The following COTL1 variants were observed in gnomAD, a reference collection of about 807,000 sequenced individuals.
COTL1 encodes the protein coactosin-like protein.
In COTL1, 15 loss-of-function variants were observed where a neutral mutation model predicts 16.5. The ratio of observed to expected loss-of-function variants is 0.91; its 90% CI spans 0.61 to 1.40. COTL1 has a LOEUF of 1.40. Among genes scored for constraint, COTL1 ranks in the 40% most tolerant of loss-of-function variants. The pLI is 0.00. For missense variants in COTL1, 220 were observed against 201.5 expected, an observed-to-expected ratio of 1.09 and a Z score of -0.56; for synonymous variants, 112 against 85.3, an observed-to-expected ratio of 1.31 and a Z score of -1.73.
At chr16:84,581,098 C>T (rs976498298) in intron 3 of COTL1, among the ~76,000 whole-genome samples, 1 of 151,328 alleles carries the variant, frequency 6.6e-6, no homozygotes, top group African/African-American at 2.4e-5. Flanking sequence ...GCCAAGATGT[C>T]GCCACTGCAC....
At chr16:84,598,149 T>C (rs1382828864) in intron 2 of COTL1, among the ~76,000 whole-genome samples, 2 of 152,158 alleles carry the variant, frequency 1.3e-5, no homozygotes, top group African/African-American at 2.4e-5. Context: ...ATGTCCCTGA[T>C]TTGAAGACTA....
intron 2 of COTL1, among the ~76,000 whole-genome samples, chr16:84,609,781 T>C (rs1034864228): frequency 1.4e-5 from 2 of 138,570 alleles, no homozygotes; most frequent in African/African-American, 5.0e-5. Context: ...CCCCTTCACT[T>C]GGCTCTCAGT....
At chr16:84,580,809 G>C (rs1904571100) in intron 3 of COTL1, among the ~76,000 whole-genome samples, 1 of 152,176 alleles carries the variant, frequency 6.6e-6, no homozygotes, top group South Asian at 2.1e-4. Flanking sequence ...GGCTGCATGG[G>C]AGCTTTTTAT....
At chr16:84,568,387 G>C (rs1904307911) in intron 3 of COTL1, 1 of 152,202 alleles carries the variant, frequency 6.6e-6, no homozygotes, top group Admixed American at 6.5e-5. Context: ...ATGGAAGGTG[G>C]AAGCAACCCC....
At chr16:84,613,650 G>A (rs531902719) in intron 2 of COTL1, among the ~76,000 whole-genome samples, 1 of 152,352 alleles carries the variant, frequency 6.6e-6, no homozygotes, top group East Asian at 1.9e-4. Flanking sequence ...AATTACCCCA[G>A]CAAGGGAGGA....
At chr16:84,585,770 C>A (rs1420819985) in intron 3 of COTL1, among the ~76,000 whole-genome samples, 12 of 152,160 alleles carry the variant, frequency 7.9e-5, no homozygotes, top group Admixed American at 3.3e-4. Context: ...GCTATATTTG[C>A]AACTGCAGTA....
Position 84,617,858 on chromosome 16 carries a change from G to T in COTL1, c.57C>A (p.Asp19Glu). 6.3e-7 allele frequency: 1 copy of T among 1,576,382 alleles called. No individual in the cohort carries two copies. Among genetic ancestry groups the T allele is most frequent in the Non-Finnish European group, 8.6e-7 (1 of 1,162,154 alleles). The part of the protein sequence containing the change: ...ACRAAYNLVR[D>E]DGSAVIWVTF... ...CCTACCAGATGACGGCCGAGCCGTCGTCGCGCACCAGGTTGTACGCCGCCC... is the reference window on the plus strand; with the variant it reads ...CCTACCAGATGACGGCCGAGCCGTCTTCGCGCACCAGGTTGTACGCCGCCC... Residue 19 changes from aspartate (D) to glutamate (E), a missense_variant, in exon 1 of 4, where the codon GAC (aspartate) becomes GAA (glutamate). Coordinates refer to ENST00000262428, the MANE Select transcript of COTL1 (RefSeq NM_021149.5).
Position 84,614,253 on chromosome 16 carries a change from G to A in COTL1, c.160+3248C>T, listed in dbSNP as rs1012708299. Among the ~76,000 whole-genome samples, 64 of 152,348 alleles carry A rather than the reference G, an allele frequency of 4.2e-4. 1 individual carries two copies. Among genetic ancestry groups the A allele is most frequent in the African/African-American group, 1.4e-3 (58 of 41,572 alleles). On this transcript the variant is annotated intron_variant, in intron 2 of 3. Transcript: ENST00000262428. ...AGCAAGAAGCAAGAGCGGAGGTAGC[G>A]GAGGGGCAGGCAGCGAGGAAGGCCG...
intron 2 of COTL1, among the ~76,000 whole-genome samples, chr16:84,597,569 A>T (rs1905031612): frequency 6.6e-6 from 1 of 152,262 alleles, no homozygotes; most frequent in Admixed American, 6.5e-5. Context: ...ACTGTGCTCG[A>T]ATGAGCCCCA....
At position 84,587,278 on chromosome 16, in the gene COTL1, C is replaced by G. The variant is rs1018434543; in HGVS notation, c.318+2827G>C. On this transcript the variant is annotated intron_variant, in intron 3 of 3. Coordinates refer to ENST00000262428, the MANE Select transcript of COTL1 (RefSeq NM_021149.5). ...ATGTGAAACAAATGGCCTTTGTCAGCATTTCCTCGGTCCCAGGCACAGTGC... is the reference window on the plus strand; with the variant it reads ...ATGTGAAACAAATGGCCTTTGTCAGGATTTCCTCGGTCCCAGGCACAGTGC... Among the ~76,000 whole-genome samples the G allele has an allele frequency of 4.6e-5, 7 of 152,176 alleles. No individual in the cohort carries two copies. In the South Asian group the frequency reaches 1.0e-3, roughly 23 times the overall value.
At chr16:84,606,157 GCTGAGGCCA>G (rs754230077) in intron 2 of COTL1, among the ~76,000 whole-genome samples, 1 of 152,236 alleles carries the variant, frequency 6.6e-6, no homozygotes, top group Non-Finnish European at 1.5e-5. Flanking sequence ...ACCTGCCACT[GCTGAGGCCA>G]CTGAGCTGAA....
Position 84,606,296 on chromosome 16 carries a change from T to C in COTL1, c.160+11205A>G, listed in dbSNP as rs2150695162. Among the ~76,000 whole-genome samples the C allele has an allele frequency of 2.0e-5, 3 of 152,310 alleles. No homozygotes were observed. In the Middle Eastern group the frequency reaches 0.01, roughly 518 times the overall value. On this transcript the variant is annotated intron_variant, in intron 2 of 3. Coordinates refer to ENST00000262428, the MANE Select transcript of COTL1 (RefSeq NM_021149.5). ...CCAGTGGTAGCGGCCGGGAGCCTTG[T>C]GGGCCACTGGGCTGTTACTTTGGAG...
intron 3 of COTL1, among the ~76,000 whole-genome samples, chr16:84,580,862 G>A (rs1904572026): frequency 6.6e-6 from 1 of 152,196 alleles, no homozygotes; most frequent in Non-Finnish European, 1.5e-5. Flanking sequence ...TATGACATGA[G>A]GCCAGGCATG....
chr16:84,566,551 C>G lies in COTL1; in HGVS notation c.*294G>C. The G allele has an allele frequency of 3.0e-6, 1 of 331,194 alleles. No individual in the cohort carries two copies. The highest frequency in any genetic ancestry group is 5.6e-6 in the Non-Finnish European group (1 of 177,982). 20.5% of individuals were successfully genotyped at this position (331,194 alleles called of 1,614,324 possible). On this transcript the variant is annotated 3_prime_UTR_variant, in exon 4 of 4. Transcript: ENST00000262428. ...GGTCACTGCAGGAGGCACCTCGGAT[C>G]TGATGGCAGGCAGGACCTTGCATCA...
At chr16:84,567,438 C>A (rs1387526473) in intron 3 of COTL1, 1 of 152,868 alleles carries the variant, frequency 6.5e-6, no homozygotes, top group East Asian at 1.9e-4. Context: ...GTAAATAGTC[C>A]CCCAGTGGCT....
At chr16:84,608,489 G>C (rs1019186501) in intron 2 of COTL1, among the ~76,000 whole-genome samples, 1 of 152,228 alleles carries the variant, frequency 6.6e-6, no homozygotes, top group Non-Finnish European at 1.5e-5. Context: ...ACACAAAAAA[G>C]CTATGCAGCG....
At chr16:84,617,783 G>C (rs1401175716) in intron 1 of COTL1, 55 bp downstream of exon 1, 37 of 1,503,362 alleles carry the variant, frequency 2.5e-5, no homozygotes, top group Middle Eastern at 1.7e-4. Flanking sequence ...CTCGGTGCAC[G>C]AGGCCCCGCG....
chr16:84,570,070 G>A (rs1255204969), intron 3 of COTL1, among the ~76,000 whole-genome samples: 2 of 152,206 alleles, frequency 1.3e-5, no homozygotes, highest in Non-Finnish European at 2.9e-5. Context: ...GAGGTCAGGA[G>A]ATCGAGACCA....
At chr16:84,583,232 A>T (rs996774566) in intron 3 of COTL1, among the ~76,000 whole-genome samples, 1 of 152,322 alleles carries the variant, frequency 6.6e-6, no homozygotes, top group East Asian at 1.9e-4. Flanking sequence ...CAAGCTCCTC[A>T]TCTATAAAAC....
Sources: allele counts gnomAD v4.1 joint callset (sites outside exome capture counted in the v4.1 genomes callset), GRCh38; gene constraint gnomAD v4.1.1; transcripts MANE v1.5; gene names NCBI Gene and HGNC (gene_info 2026-07-23, HGNC 2026-07-21).